Variants in RUBCNL observed in about 807,000 individuals in gnomAD.
RUBCNL encodes the protein protein associated with UVRAG as autophagy enhancer.
A neutral mutation model predicts 69.5 loss-of-function variants in RUBCNL; 62 were observed. The observed-to-expected ratio is 0.89, with a 90% CI of 0.73 to 1.10. The LOEUF (loss-of-function observed/expected upper bound fraction) is 1.10. Among genes scored for constraint, RUBCNL ranks in the 50% least tolerant of loss-of-function variants. The pLI, the probability that RUBCNL is intolerant of heterozygous loss-of-function variation, is 0.00. For synonymous variants in RUBCNL, 291 were observed against 303.6 expected (o/e 0.96, Z 0.43); for missense variants, 768 against 798.1 (o/e 0.96, Z 0.45).
chr13:46,376,225 G>A (rs1321433649), intron 2 of RUBCNL, among the ~76,000 whole-genome samples: 1 of 152,072 alleles, frequency 6.6e-6, no homozygotes, highest in Non-Finnish European at 1.5e-5. Flanking sequence ...CAGGGTGTTA[G>A]TGTCCCTAAC....
intron 1 of RUBCNL, among the ~76,000 whole-genome samples, chr13:46,379,375 C>T (rs768549231): frequency 6.6e-6 from 1 of 152,186 alleles, no homozygotes; most frequent in Admixed American, 6.5e-5. Flanking sequence ...CGCAGGCGGC[C>T]GAGGGCACTT....
Position 46,341,409 on chromosome 13 carries a change from T to G in RUBCNL, c.*1976A>C, listed in dbSNP as rs1380325582. 6.6e-6 allele frequency among the ~76,000 whole-genome samples: 1 copy of G among 152,222 alleles called. No individual in the cohort carries two copies. Among genetic ancestry groups the G allele is most frequent in the Non-Finnish European group, 1.5e-5 (1 of 68,028 alleles). On this transcript the variant is annotated 3_prime_UTR_variant, in exon 15 of 15. Coordinates refer to ENST00000429979, the MANE Select transcript of RUBCNL (RefSeq NM_025113.5). ...ATCACTTCCCTAACAGGTGCCTTCCTGGGAAGAAGCCTCTATTATCACATT... is the reference window on the plus strand; with the variant it reads ...ATCACTTCCCTAACAGGTGCCTTCCGGGGAAGAAGCCTCTATTATCACATT...
Position 46,350,100 on chromosome 13 carries a change from G to A in RUBCNL, c.1569+13C>T. ...CTTCCAATGAGAGGGATGGGGTTGGGGCTGCGGCTCACCTTCACTCTGTCC... is the reference window on the plus strand; with the variant it reads ...CTTCCAATGAGAGGGATGGGGTTGGAGCTGCGGCTCACCTTCACTCTGTCC... On this transcript the variant is annotated intron_variant, in intron 11 of 14. Transcript: ENST00000429979. 1 of 1,534,312 alleles carries A rather than the reference G, an allele frequency of 6.5e-7. No homozygotes were observed. Among genetic ancestry groups the A allele is most frequent in the Non-Finnish European group, 8.8e-7 (1 of 1,131,062 alleles).
intron 8 of RUBCNL, among the ~76,000 whole-genome samples, chr13:46,360,749 T>C (rs1402566966): frequency 6.6e-6 from 1 of 152,240 alleles, no homozygotes; most frequent in East Asian, 1.9e-4. Context: ...AGAAGGCTGC[T>C]TGCTCTCTGA....
intron 7 of RUBCNL, among the ~76,000 whole-genome samples, chr13:46,361,822 G>C (rs1393742937): frequency 6.6e-6 from 1 of 152,190 alleles, no homozygotes; most frequent in Non-Finnish European, 1.5e-5. Context: ...TGGCTTTAGA[G>C]TCAGAAGACC....
At chr13:46,346,458 C>T (rs1336378212) in intron 12 of RUBCNL, among the ~76,000 whole-genome samples, 1 of 152,198 alleles carries the variant, frequency 6.6e-6, no homozygotes, top group Non-Finnish European at 1.5e-5. Flanking sequence ...CTCATGGTCC[C>T]CCGACACGTG....
chr13:46,348,110 T>C (rs1326545150), intron 12 of RUBCNL, among the ~76,000 whole-genome samples: 3 of 152,152 alleles, frequency 2.0e-5, no homozygotes, highest in Admixed American at 2.0e-4. Context: ...ATTCCTCTTA[T>C]ATAAGGCATG....
intron 4 of RUBCNL, 174 bp downstream of exon 4, chr13:46,368,559 C>A: frequency 1.1e-6 from 1 of 936,136 alleles, no homozygotes; most frequent in Non-Finnish European, 1.3e-6. Context: ...TGAGCACAGG[C>A]ACGGCCTCGG....
At chr13:46,345,850 A>G (rs1404167027) in intron 12 of RUBCNL, among the ~76,000 whole-genome samples, 3 of 152,232 alleles carry the variant, frequency 2.0e-5, no homozygotes, top group East Asian at 1.9e-4. Flanking sequence ...AGAGACCTGT[A>G]TCTCTTACAG....
intron 9 of RUBCNL, among the ~76,000 whole-genome samples, chr13:46,357,865 G>T (rs941715275): frequency 6.6e-6 from 1 of 152,080 alleles, no homozygotes; most frequent in African/African-American, 2.4e-5. Flanking sequence ...CCTGACCTCA[G>T]GTGATCCCGC....
intron 7 of RUBCNL, among the ~76,000 whole-genome samples, chr13:46,361,972 T>C (rs180749184): frequency 0.011 from 1,644 of 151,658 alleles, 25 homozygotes; most frequent in Non-Finnish European, 0.014. Flanking sequence ...ACACCTGTAA[T>C]CCCAGAATTT....
intron 3 of RUBCNL, among the ~76,000 whole-genome samples, chr13:46,370,279 T>C (rs1380273360): frequency 6.6e-6 from 1 of 152,242 alleles, no homozygotes; most frequent in African/African-American, 2.4e-5. Context: ...GTGTAGTTCC[T>C]ATGCCAACAA....
At position 46,368,193 on chromosome 13, in the gene RUBCNL, C is replaced by A; in HGVS notation, c.675G>T (p.Lys225Asn). 6.2e-7 allele frequency: 1 copy of A among 1,613,982 alleles called. No homozygotes were observed. The highest frequency in any genetic ancestry group is 1.1e-5 in the South Asian group (1 of 91,082). Residue 225 changes from lysine (K) to asparagine (N), a missense_variant, in exon 5 of 15, where the codon AAG (lysine) becomes AAT (asparagine). Coordinates refer to ENST00000429979, the MANE Select transcript of RUBCNL (RefSeq NM_025113.5). ...TCTGCTGTTGACTCAGAATGTTACA[C>A]TTCATTTTCTCCATTGCTGATATAA... ...DMIISAMEKM[K>N]CNILSQQQTE...
intron 1 of RUBCNL, among the ~76,000 whole-genome samples, chr13:46,380,975 G>A (rs1594185201): frequency 1.3e-5 from 2 of 152,186 alleles, no homozygotes; most frequent in African/African-American, 4.8e-5. Flanking sequence ...AGTAAAGGTA[G>A]GCAGCTGCAC....
intron 1 of RUBCNL, among the ~76,000 whole-genome samples, chr13:46,384,003 C>T (rs796581213): frequency 4.6e-5 from 7 of 152,230 alleles, no homozygotes; most frequent in African/African-American, 1.4e-4. Flanking sequence ...TTAATATTCA[C>T]ACAGCATGCA....
chr13:46,337,230 A>G lies in RUBCNL; in HGVS notation c.*6155T>C, dbSNP rs924268942. Reference sequence around the variant, plus strand: ...TGATCTCAGCTCACCGCAACCTTCAACTCCCTGGTTCAAGCGATTCTTCTG... The same window carrying G: ...TGATCTCAGCTCACCGCAACCTTCAGCTCCCTGGTTCAAGCGATTCTTCTG... On this transcript the variant is annotated 3_prime_UTR_variant, in exon 15 of 15. Transcript: ENST00000429979. Among the ~76,000 whole-genome samples the G allele has an allele frequency of 6.6e-6, 1 of 151,608 alleles. No homozygotes were observed. Among genetic ancestry groups the G allele is most frequent in the Non-Finnish European group, 1.5e-5 (1 of 67,910 alleles).
chr13:46,379,357 T>C (rs1194714437), intron 1 of RUBCNL, among the ~76,000 whole-genome samples: 1 of 152,226 alleles, frequency 6.6e-6, no homozygotes, highest in Non-Finnish European at 1.5e-5. Context: ...ATTACAGGTA[T>C]GAGCCACCGC....
chr13:46,353,624 T>A (rs2048418303), intron 10 of RUBCNL, among the ~76,000 whole-genome samples: 1 of 152,186 alleles, frequency 6.6e-6, no homozygotes, highest in African/African-American at 2.4e-5. Flanking sequence ...CTGCTAAACA[T>A]CCTACAGTGC....
intron 11 of RUBCNL, 150 bp downstream of exon 11, chr13:46,349,963 T>C (rs2478045): frequency 0.37 from 237,820 of 637,298 alleles, 47,277 homozygotes; most frequent in East Asian, 0.62. Context: ...GGATTACAGG[T>C]GTGAGCCCCT....
Sources: allele counts gnomAD v4.1 joint callset (sites outside exome capture counted in the v4.1 genomes callset), GRCh38; gene constraint gnomAD v4.1.1; transcripts MANE v1.5; gene names NCBI Gene and HGNC (gene_info 2026-07-23, HGNC 2026-07-21).